The following DIAPH2 variants were observed in gnomAD, a reference collection of about 807,000 sequenced individuals.
DIAPH2 encodes protein diaphanous homolog 2.
DIAPH2 carries 35 observed loss-of-function variants against 92.7 expected under a neutral mutation model. The observed-to-expected ratio is 0.38, with a 90% confidence interval of 0.29 to 0.50. DIAPH2 has a LOEUF of 0.50. DIAPH2 is among the 20% of genes least tolerant of loss of function. DIAPH2 has a pLI of 0.94. For synonymous variants in DIAPH2, 301 were observed against 280.4 expected, an observed-to-expected ratio of 1.07 and a Z score of -0.73; for missense variants, 701 against 819.5, an observed-to-expected ratio of 0.86 and a Z score of 1.77.
At chrX:96,692,824 C>T (rs1465167425) in intron 1 of DIAPH2, among the ~76,000 whole-genome samples, 2 of 112,102 alleles carry the variant, frequency 1.8e-5, no homozygotes, top group Admixed American at 1.9e-4. Flanking sequence ...CTTTGACATT[C>T]ACACCCCACC....
rs2071108096 is a variant in DIAPH2 at position 97,537,846 on chromosome X, G to T, written c.3242-61407G>T. Among the ~76,000 whole-genome samples the T allele has an allele frequency of 5.5e-5, 6 of 109,908 alleles. No individual in the cohort carries two copies. The Admixed American group carries it at 5.8e-4, about 11-fold the overall frequency. On this transcript the variant is annotated intron_variant, in intron 26 of 26. Transcript: ENST00000324765. ...GTGGCTTGACTATAACCTCATAATA[G>T]ACCTTGTGCCAGATACACTACTTAA...
chrX:96,849,260 G>C (rs1415604684), intron 4 of DIAPH2, among the ~76,000 whole-genome samples: 1 of 111,648 alleles, frequency 9.0e-6, no homozygotes, highest in Admixed American at 9.5e-5. Context: ...CCGCCTCCCA[G>C]GTTCAGGCAA....
Position 96,995,763 on chromosome X carries a change from G to T in DIAPH2, c.2050+30556G>T, listed in dbSNP as rs556775777. 1.0e-4 allele frequency among the ~76,000 whole-genome samples: 11 copies of T among 107,110 alleles called. No homozygotes were observed. In the South Asian group the frequency reaches 4.7e-3, roughly 46 times the overall value. The allele number at this position is 107,110 out of a possible 115,157, so 93.0% of individuals were successfully genotyped here. On this transcript the variant is annotated intron_variant, in intron 17 of 26. Coordinates refer to ENST00000324765, the MANE Select transcript of DIAPH2 (RefSeq NM_006729.5). Reference sequence around the variant, plus strand: ...TTTTCTTTTTTTTTTTCTCAGTTAAGTGGCTGTAGGCTACTGTCTTATAGG... The same window carrying T: ...TTTTCTTTTTTTTTTTCTCAGTTAATTGGCTGTAGGCTACTGTCTTATAGG...
In DIAPH2 at chrX:97,330,231, C is replaced by G. The variant is rs747886388; in HGVS notation, c.2845-17885C>G. Reference sequence around the variant, plus strand: ...CCCTCTTAATAAATTTTTGAATGTACAGTACATTGTTAATAATAAGCACAA... The same window carrying G: ...CCCTCTTAATAAATTTTTGAATGTAGAGTACATTGTTAATAATAAGCACAA... On this transcript the variant is annotated intron_variant, in intron 23 of 26. Coordinates refer to ENST00000324765, the MANE Select transcript of DIAPH2 (RefSeq NM_006729.5). Among the ~76,000 whole-genome samples, 257 of 108,451 alleles carry G rather than the reference C, an allele frequency of 2.4e-3. 2 individuals carry two copies. Among genetic ancestry groups the G allele is most frequent in the African/African-American group, 8.3e-3 (247 of 29,751 alleles). 94.2% of individuals were successfully genotyped at this position (108,451 alleles called of 115,157 possible).
At chrX:97,376,204 G>A (rs1233028910) in intron 24 of DIAPH2, among the ~76,000 whole-genome samples, 1 of 111,172 alleles carries the variant, frequency 9.0e-6, no homozygotes, top group East Asian at 2.8e-4. Flanking sequence ...TGAGTAAAAT[G>A]ATGCATGAAT....
chrX:97,508,252 C>G (rs1053137245), intron 26 of DIAPH2, among the ~76,000 whole-genome samples: 10 of 111,800 alleles, frequency 8.9e-5, no homozygotes, highest in African/African-American at 3.2e-4. Context: ...ATAGACTATA[C>G]ACTGCCTCTT....
At chrX:97,084,276 G>T (rs1308927874) in intron 19 of DIAPH2, among the ~76,000 whole-genome samples, 2 of 111,300 alleles carry the variant, frequency 1.8e-5, no homozygotes, top group African/African-American at 6.5e-5. Flanking sequence ...CTTTTAAATA[G>T]CTAGTAAGTT....
intron 26 of DIAPH2, among the ~76,000 whole-genome samples, chrX:97,487,240 A>G (rs763392630): frequency 8.9e-6 from 1 of 111,836 alleles, no homozygotes; most frequent in Non-Finnish European, 1.9e-5. Context: ...ATGGGAGTGC[A>G]GATATCAATT....
At chrX:96,849,798 T>C (rs780092028) in intron 4 of DIAPH2, among the ~76,000 whole-genome samples, 42 of 111,809 alleles carry the variant, frequency 3.8e-4, no homozygotes, top group Non-Finnish European at 3.8e-4. Context: ...TGTGAATAAA[T>C]AATGAACCAA....
intron 26 of DIAPH2, among the ~76,000 whole-genome samples, chrX:97,438,553 T>A (rs1337483333): frequency 9.3e-6 from 1 of 107,875 alleles, no homozygotes; most frequent in Non-Finnish European, 1.9e-5. Context: ...TTATTTATTT[T>A]TTTTGTAGAG....
At chrX:97,093,900 G>A (rs187872091) in intron 19 of DIAPH2, among the ~76,000 whole-genome samples, 15 of 111,948 alleles carry the variant, frequency 1.3e-4, no homozygotes, top group Middle Eastern at 4.6e-3. Context: ...TTTAGCTACC[G>A]TGTAATTTCC....
intron 25 of DIAPH2, among the ~76,000 whole-genome samples, chrX:97,414,204 A>G (rs968299249): frequency 1.8e-5 from 2 of 111,923 alleles, no homozygotes; most frequent in Non-Finnish European, 3.8e-5. Flanking sequence ...ACCAAAACAG[A>G]GAGATAGCCC....
chrX:96,758,063 A>C, intron 3 of DIAPH2, 91 bp from the exon 4 acceptor site: 1 of 774,615 alleles, frequency 1.3e-6, no homozygotes, highest in South Asian at 3.6e-5. Flanking sequence ...TTAGTATTTT[A>C]AGACATAGAA....
At chrX:96,821,951 C>T (rs1410373458) in intron 4 of DIAPH2, among the ~76,000 whole-genome samples, 2 of 111,848 alleles carry the variant, frequency 1.8e-5, no homozygotes, top group Admixed American at 1.9e-4. Flanking sequence ...ATAAGGCTCC[C>T]ACATACAAGG....
chrX:97,447,832 G>A (rs1212704497), intron 26 of DIAPH2, among the ~76,000 whole-genome samples: 1 of 111,899 alleles, frequency 8.9e-6, no homozygotes, highest in East Asian at 2.8e-4. Flanking sequence ...GGGCTTTGTT[G>A]AGGCTCCCTC....
At chrX:97,508,986 C>T (rs1469412916) in intron 26 of DIAPH2, among the ~76,000 whole-genome samples, 2 of 108,264 alleles carry the variant, frequency 1.8e-5, no homozygotes, top group Non-Finnish European at 3.8e-5. Context: ...ACAGATTACC[C>T]GACTACCAAG....
chrX:97,288,017 T>C (rs1370308741), intron 23 of DIAPH2, among the ~76,000 whole-genome samples: 2 of 105,702 alleles, frequency 1.9e-5, no homozygotes, highest in Non-Finnish European at 3.9e-5. Flanking sequence ...TTGTTTATGG[T>C]GAGGAAGACT....
At chrX:97,440,327 C>T (rs1293713810) in intron 26 of DIAPH2, among the ~76,000 whole-genome samples, 1 of 111,602 alleles carries the variant, frequency 9.0e-6, no homozygotes, top group Non-Finnish European at 1.9e-5. Context: ...CGCAGTTGCT[C>T]ATGCCTGTAA....
In DIAPH2 at chrX:97,602,306, G is replaced by T. The variant is rs998450624; in HGVS notation, c.*2989G>T. The T allele has an allele frequency of 8.9e-6, 1 of 112,064 alleles. No homozygotes were observed. Among genetic ancestry groups the T allele is most frequent in the Non-Finnish European group, 1.9e-5 (1 of 53,227 alleles). The allele number at this position is 112,064 out of a possible 1,213,427, so 9.2% of individuals were successfully genotyped here. A position where few individuals can be genotyped will look rare whatever the true frequency, so the allele number is the denominator to read the frequency against. ...CCAAAATTTCATTCAAATATCATCG[G>T]TTCAAAAGTTCCAAAGCTTATCATT... On this transcript the variant is annotated 3_prime_UTR_variant, in exon 27 of 27. Transcript: ENST00000324765.
Sources: allele counts gnomAD v4.1 joint callset (sites outside exome capture counted in the v4.1 genomes callset), GRCh38; gene constraint gnomAD v4.1.1; transcripts MANE v1.5; gene names NCBI Gene and HGNC (gene_info 2026-07-23, HGNC 2026-07-21).